MYLK: variants seen among roughly 807,000 people sequenced by gnomAD.
MYLK encodes myosin light chain kinase, also known as myosin light chain kinase, smooth muscle.
In MYLK, 106 loss-of-function variants were observed where a neutral mutation model predicts 203.4. That is an observed-to-expected ratio of 0.52 (90% CI 0.45 to 0.61). The LOEUF (loss-of-function observed/expected upper bound fraction) is 0.61. Among genes scored for constraint, MYLK ranks in the 20% least tolerant of loss-of-function variants. The pLI, the probability that MYLK is intolerant of heterozygous loss-of-function variation, is 0.00. For missense variants in MYLK, 2,072 were observed against 2,442.3 expected (o/e 0.85, Z 3.20); for synonymous variants, 867 against 959.5 (o/e 0.90, Z 1.78).
intron 3 of MYLK, among the ~76,000 whole-genome samples, chr3:123,816,803 G>A (rs1450871489): frequency 6.6e-6 from 1 of 152,194 alleles, no homozygotes; most frequent in African/African-American, 2.4e-5. Context: ...AACACACACA[G>A]ATCGGGGACT....
intron 2 of MYLK, among the ~76,000 whole-genome samples, chr3:123,846,378 C>G (rs1398498969): frequency 6.6e-6 from 1 of 152,156 alleles, no homozygotes; most frequent in Non-Finnish European, 1.5e-5. Context: ...TAACTTGCTT[C>G]TTTCATTCAA....
chr3:123,633,997 C>T (rs1438569282), intron 29 of MYLK, among the ~76,000 whole-genome samples: 1 of 152,124 alleles, frequency 6.6e-6, no homozygotes, highest in Non-Finnish European at 1.5e-5. Context: ...TGTTGTGTTT[C>T]AAGCAGCAGA....
chr3:123,777,925 C>T (rs558307152), intron 4 of MYLK, among the ~76,000 whole-genome samples: 1 of 152,246 alleles, frequency 6.6e-6, no homozygotes, highest in Admixed American at 6.5e-5. Context: ...AAAATGATTT[C>T]CAGAAAGCTA....
intron 3 of MYLK, among the ~76,000 whole-genome samples, chr3:123,827,828 G>A (rs927007352): frequency 2.1e-5 from 3 of 142,478 alleles, no homozygotes; most frequent in Admixed American, 7.1e-5. Flanking sequence ...ACAAAAATGA[G>A]TAGCATTTCT....
At chr3:123,775,088 A>C (rs2064022243) in intron 4 of MYLK, among the ~76,000 whole-genome samples, 1 of 151,872 alleles carries the variant, frequency 6.6e-6, no homozygotes. Context: ...TTGGAGTGTA[A>C]TCATAGCTCA....
intron 3 of MYLK, among the ~76,000 whole-genome samples, chr3:123,801,548 C>T (rs114620977): frequency 0.011 from 1,741 of 152,296 alleles, 31 homozygotes; most frequent in African/African-American, 0.039. Context: ...TAGTACCCAA[C>T]AGATAGTTTT....
chr3:123,629,868 G>A lies in MYLK; in HGVS notation c.4962-242C>T. 1 of 549,248 alleles carries A rather than the reference G, an allele frequency of 1.8e-6. No individual in the cohort carries two copies. Among genetic ancestry groups the A allele is most frequent in the South Asian group, 2.0e-5 (1 of 48,978 alleles). 34.0% of individuals were successfully genotyped at this position (549,248 alleles called of 1,614,324 possible). On this transcript the variant is annotated intron_variant, in intron 29 of 33. Transcript: ENST00000360304. The surrounding 1 kb of genome is among the most constrained non-coding windows in gnomAD (Gnocchi z 4.4). ...TACCTGTGAGGCTGAGGTGCAGCAG[G>A]TTGGCTTTAGATTACGGGCTTCTGC...
rs1227637591 is a variant in MYLK at position 123,677,918 on chromosome 3, TAC to T, written c.3652+4304_3652+4305del. Among the ~76,000 whole-genome samples the T allele has an allele frequency of 2.4e-3, 186 of 78,858 alleles. 2 individuals are homozygous for T. The highest frequency in any genetic ancestry group is 0.01 in the African/African-American group (166 of 16,420). 51.7% of individuals were successfully genotyped at this position (78,858 alleles called of 152,430 possible). On this transcript the variant is annotated intron_variant, in intron 20 of 33. Transcript: ENST00000360304. Reference sequence around the variant, plus strand: ...ATATATATATATATATATATATATATACACACACACACACACAGAGTACATCC... The same window carrying T: ...ATATATATATATATATATATATATATACACACACACACACAGAGTACATCC...
chr3:123,734,064 T>C lies in MYLK; in HGVS notation c.932A>G (p.Asn311Ser), dbSNP rs752034973. 1.9e-5 allele frequency: 30 copies of C among 1,613,612 alleles called. No individual in the cohort carries two copies. Among genetic ancestry groups the C allele is most frequent in the Admixed American group, 5.0e-5 (3 of 59,990 alleles). ...CTCCCTTGGGGGCTGAGGCTGGCTG[T>C]TTGCAGCCCAGGGTGGGGAGCCACC... ...QRGGSPPWAA[N>S]SQPQPPRESK... is the part of the protein sequence containing the mutation. Residue 311 changes from asparagine to serine, a missense_variant, in exon 10 of 34, where the codon AAC (asparagine) becomes AGC (serine). By Grantham distance (46) the Asn-to-Ser change is conservative. Around this residue, in one of 3 missense-constraint regions of MYLK, gnomAD observed 683 missense variants for 643.8 expected, o/e 1.06. Coordinates refer to ENST00000360304, the MANE Select transcript of MYLK (RefSeq NM_053025.4).
chr3:123,841,811 T>C (rs528965539), intron 2 of MYLK, among the ~76,000 whole-genome samples: 1 of 152,282 alleles, frequency 6.6e-6, no homozygotes, highest in East Asian at 1.9e-4. Context: ...CAGGAAGATA[T>C]AACATTTGTA....
At position 123,793,167 on chromosome 3, in the gene MYLK, C is replaced by T. The variant is rs150491101; in HGVS notation, c.165+510G>A. Among the ~76,000 whole-genome samples, 1,020 of 152,214 alleles carry T rather than the reference C, an allele frequency of 6.7e-3. 13 individuals are homozygous for T. Among genetic ancestry groups the T allele is most frequent in the African/African-American group, 0.019 (801 of 41,522 alleles). ...AGAAGAAGAAGTGGAGTCCCAGTAA[C>T]GGCAAGTGACCAGTATTCATTTATG... On this transcript the variant is annotated intron_variant, in intron 4 of 33. Coordinates refer to ENST00000360304, the MANE Select transcript of MYLK (RefSeq NM_053025.4).
intron 22 of MYLK, among the ~76,000 whole-genome samples, chr3:123,665,161 T>G (rs1200072922): frequency 6.6e-6 from 1 of 152,234 alleles, no homozygotes; most frequent in Non-Finnish European, 1.5e-5. Flanking sequence ...AATTTTTAAT[T>G]AATTAAAATT....
In MYLK at chr3:123,795,796, AT is replaced by A. The variant is rs1381468734; in HGVS notation, c.-3-1953del. On this transcript the variant is annotated intron_variant, in intron 3 of 33. Transcript: ENST00000360304. The stretch of plus-strand genomic sequence containing the variant: ...AACTGAAGAGAAGCCATATTCCTAG[AT>A]TTGCTTTTCTGTTCATTTTCTTTGG... Among the ~76,000 whole-genome samples the A allele has an allele frequency of 2.0e-4, 30 of 152,260 alleles. 1 individual carries two copies. The South Asian group carries it at 2.5e-3, about 13-fold the overall frequency.
Position 123,725,927 on chromosome 3 carries a change from G to A in MYLK, c.1651+17C>T, listed in dbSNP as rs181149737. The stretch of plus-strand genomic sequence containing the variant: ...CCCAGGGGATGGGAGCAGAGAGCTG[G>A]GGCAGGGGGAACTCACCATTCAGCA... On this transcript the variant is annotated intron_variant, in intron 12 of 33. Transcript: ENST00000360304. 21 of 1,612,538 alleles carry A rather than the reference G, an allele frequency of 1.3e-5. No individual in the cohort carries two copies. In the African/African-American group the frequency reaches 2.8e-4, roughly 22 times the overall value.
chr3:123,700,615 G>T lies in MYLK; in HGVS notation c.2853C>A (p.Val951=). The T allele has an allele frequency of 1.2e-6, 2 of 1,613,840 alleles. No homozygotes were observed. The highest frequency in any genetic ancestry group is 1.7e-6 in the Non-Finnish European group (2 of 1,180,024). Residue 951 remains valine (V), a synonymous_variant, in exon 18 of 34, where the codon GTC becomes GTA. Transcript: ENST00000360304. ...EERKVHSPQQ[V]DFRSVLAKKG... is the part of the protein sequence containing the mutation. Reference sequence around the variant, plus strand: ...TCTTGGCCAGGACAGAGCGAAAATCGACCTGCTGGGGGCTGTGCACCTTCC... The same window carrying T: ...TCTTGGCCAGGACAGAGCGAAAATCTACCTGCTGGGGGCTGTGCACCTTCC...
chr3:123,734,987 C>T (rs75739265), intron 9 of MYLK: 4,429 of 319,536 alleles, frequency 0.014, 177 homozygotes, highest in African/African-American at 0.086. Context: ...CCCTCCTCTA[C>T]GCCCACCCCT....
intron 9 of MYLK, 45 bp downstream of exon 9, chr3:123,735,353 G>T (rs901268395): frequency 6.8e-6 from 11 of 1,611,600 alleles, no homozygotes; most frequent in Non-Finnish European, 9.3e-6. Context: ...TCCTTGCAGG[G>T]CATTTCAAGA....
intron 2 of MYLK, among the ~76,000 whole-genome samples, chr3:123,863,494 A>T (rs538585305): frequency 6.6e-6 from 1 of 152,296 alleles, no homozygotes; most frequent in Non-Finnish European, 1.5e-5. Context: ...AGAATAAAAA[A>T]TTCCTACAAC....
At chr3:123,850,332 A>G (rs1184148257) in intron 2 of MYLK, among the ~76,000 whole-genome samples, 2 of 152,192 alleles carry the variant, frequency 1.3e-5, no homozygotes, top group Admixed American at 1.3e-4. Flanking sequence ...GTCTTCCACA[A>G]TGGTTGAACT....
Sources: gnomAD v4.1 joint callset for allele counts (sites outside exome capture counted in the v4.1 genomes callset) on GRCh38, gnomAD v4.1.1 for gene constraint, gnomAD v4.1.1 regional missense constraint, Gnocchi (gnomAD v3.1) non-coding constraint, MANE v1.5 for transcripts, NCBI Gene and HGNC (gene_info 2026-07-23, HGNC 2026-07-21) for gene names.